The following IQGAP2 variants were observed in gnomAD, a reference collection of about 807,000 sequenced individuals.
IQGAP2 encodes the protein ras GTPase-activating-like protein IQGAP2.
Under a neutral mutation model 201.3 loss-of-function variants are expected in IQGAP2, and 173 were observed. That is an observed-to-expected ratio of 0.86 (90% CI 0.76 to 0.98). The LOEUF (loss-of-function observed/expected upper bound fraction) is 0.98, where lower values mean the gene tolerates loss of function less well. Among genes scored for constraint, IQGAP2 ranks in the 50% least tolerant of loss-of-function variants. The pLI is 0.00. For missense variants in IQGAP2, 1,687 were observed against 1,864.8 expected (o/e 0.90, Z 1.76); for synonymous variants, 675 against 673.9 (o/e 1.00, Z -0.03).
At chr5:76,423,298 A>T (rs1053077406) in intron 1 of IQGAP2, among the ~76,000 whole-genome samples, 1 of 152,126 alleles carries the variant, frequency 6.6e-6, no homozygotes, top group Non-Finnish European at 1.5e-5. Flanking sequence ...GGTACCTGCT[A>T]TTAAAATGGT....
chr5:76,632,055 C>T lies in IQGAP2; in HGVS notation c.1780+29C>T, dbSNP rs73123736. 3,152 of 1,532,742 alleles carry T rather than the reference C, an allele frequency of 2.1e-3. 71 individuals are homozygous for T. In the African/African-American group the frequency reaches 0.039, roughly 19 times the overall value. The allele number at this position is 1,532,742 out of a possible 1,614,324, so 94.9% of individuals were successfully genotyped here. A position where few individuals can be genotyped will look rare whatever the true frequency, so the allele number is the denominator to read the frequency against. ...AGTTGGTTTGTTACTTTAGCACAAA[C>T]TAAGTATTTTAAATATCATTTCTGT... On this transcript the variant is annotated intron_variant, in intron 15 of 35. Coordinates refer to ENST00000274364, the MANE Select transcript of IQGAP2 (RefSeq NM_006633.5).
intron 30 of IQGAP2, among the ~76,000 whole-genome samples, chr5:76,689,738 T>A (rs1746104442): frequency 1.3e-5 from 2 of 152,188 alleles, no homozygotes; most frequent in African/African-American, 4.8e-5. Context: ...AAGGTGATAT[T>A]TGAGGTCTGG....
intron 2 of IQGAP2, among the ~76,000 whole-genome samples, chr5:76,542,125 G>A (rs1482760157): frequency 6.6e-6 from 1 of 151,540 alleles, no homozygotes; most frequent in Admixed American, 6.6e-5. Flanking sequence ...GTGGGACTAT[G>A]GGCATGCAAC....
rs1750637447 is a variant in IQGAP2, at chr5:76,403,728, T to C, written c.46+137T>C. ...GCAGCAACTGCGCGGCTGGCAAAGTTGGGAGCTGGAGTTGCAAAGGGCAGT... is the reference window on the plus strand; with the variant it reads ...GCAGCAACTGCGCGGCTGGCAAAGTCGGGAGCTGGAGTTGCAAAGGGCAGT... On this transcript the variant is annotated intron_variant, in intron 1 of 35. Coordinates refer to ENST00000274364, the MANE Select transcript of IQGAP2 (RefSeq NM_006633.5). The surrounding 1 kb of genome is among the most constrained non-coding windows in gnomAD (Gnocchi z 4.8). 1.5e-6 allele frequency: 1 copy of C among 658,286 alleles called. No individual in the cohort carries two copies. 40.8% of individuals were successfully genotyped at this position (658,286 alleles called of 1,614,324 possible). A position where few individuals can be genotyped will look rare whatever the true frequency, so the allele number is the denominator to read the frequency against.
intron 2 of IQGAP2, among the ~76,000 whole-genome samples, chr5:76,475,984 A>G (rs554984729): frequency 1.3e-5 from 2 of 152,216 alleles, no homozygotes; most frequent in African/African-American, 4.8e-5. Flanking sequence ...GATGGGAAAG[A>G]TGGAGTGGGG....
At chr5:76,548,756 T>C (rs1488229216) in intron 2 of IQGAP2, among the ~76,000 whole-genome samples, 4 of 152,180 alleles carry the variant, frequency 2.6e-5, no homozygotes, top group African/African-American at 4.8e-5. Context: ...GCTAAGTAAA[T>C]GTGAGCTGCA....
chr5:76,409,673 C>A (rs1426156018), intron 1 of IQGAP2, among the ~76,000 whole-genome samples: 1 of 152,152 alleles, frequency 6.6e-6, no homozygotes, highest in Non-Finnish European at 1.5e-5. Context: ...TAGTGATGTG[C>A]CCCAGTGATT....
chr5:76,555,255 C>T (rs1237169015), intron 2 of IQGAP2, among the ~76,000 whole-genome samples: 1 of 152,098 alleles, frequency 6.6e-6, no homozygotes, highest in Admixed American at 6.5e-5. Context: ...TACTACAAAC[C>T]ATTGCATTAT....
intron 2 of IQGAP2, among the ~76,000 whole-genome samples, chr5:76,502,569 A>G (rs1757338364): frequency 6.6e-6 from 1 of 152,198 alleles, no homozygotes; most frequent in Non-Finnish European, 1.5e-5. Flanking sequence ...TAGGTGTCCA[A>G]CCTAAATAGT....
intron 1 of IQGAP2, among the ~76,000 whole-genome samples, chr5:76,436,091 G>C (rs905551645): frequency 6.6e-6 from 1 of 152,004 alleles, no homozygotes; most frequent in African/African-American, 2.4e-5. Context: ...TTTACTGAAC[G>C]CATTTTTCAA....
chr5:76,455,616 A>G (rs1190627185), intron 1 of IQGAP2, among the ~76,000 whole-genome samples: 2 of 152,166 alleles, frequency 1.3e-5, no homozygotes, highest in Non-Finnish European at 2.9e-5. Flanking sequence ...GCATATTTGC[A>G]GAAAAGGATA....
chr5:76,683,133 G>T lies in IQGAP2; in HGVS notation c.3679G>T (p.Asp1227Tyr), dbSNP rs1323563457. ...CATAAAGCTCCTGTTGGAACACCAG[G>T]ATGCAATTGCCCCTGAGAAAAATGA... ...STHSLLLEHQ[D>Y]AIAPEKNDLL... The change falls in exon 29 of 36, where the codon GAT becomes TAT. Residue 1227 changes from aspartate to tyrosine, a missense_variant. Transcript: ENST00000274364. 19 of 1,610,516 alleles carry T rather than the reference G, an allele frequency of 1.2e-5. No individual in the cohort carries two copies. The highest frequency in any genetic ancestry group is 3.3e-4 in the Middle Eastern group (2 of 6,078).
intron 4 of IQGAP2, among the ~76,000 whole-genome samples, chr5:76,571,748 A>G (rs949408857): frequency 6.6e-6 from 1 of 152,254 alleles, no homozygotes; most frequent in African/African-American, 2.4e-5. Flanking sequence ...AAGTTGTAAA[A>G]ATAGTACTTC....
At chr5:76,446,350 G>A (rs970689176) in intron 1 of IQGAP2, among the ~76,000 whole-genome samples, 3 of 146,640 alleles carry the variant, frequency 2.0e-5, no homozygotes, top group Non-Finnish European at 4.4e-5. Context: ...ACCACCACTC[G>A]TTGTTTTTTT....
intron 3 of IQGAP2, among the ~76,000 whole-genome samples, chr5:76,567,823 T>C (rs142896462): frequency 5.1e-4 from 77 of 151,680 alleles, no homozygotes; most frequent in African/African-American, 1.7e-3. Context: ...GACAATGTAA[T>C]TCCTCATCTA....
chr5:76,632,077 C>A, intron 15 of IQGAP2, 51 bp downstream of exon 15: 1 of 1,392,152 alleles, frequency 7.2e-7, no homozygotes, highest in Non-Finnish European at 9.8e-7. Flanking sequence ...AATATCATTT[C>A]TGTGGTATTA....
chr5:76,679,200 T>C (rs1435345742), intron 28 of IQGAP2, among the ~76,000 whole-genome samples: 1 of 152,192 alleles, frequency 6.6e-6, no homozygotes, highest in African/African-American at 2.4e-5. Context: ...GGAGTACTTG[T>C]TTAGAGTGAG....
At chr5:76,568,607 T>C (rs183434976) in intron 3 of IQGAP2, among the ~76,000 whole-genome samples, 1 of 152,170 alleles carries the variant, frequency 6.6e-6, no homozygotes, top group Non-Finnish European at 1.5e-5. Flanking sequence ...TCAAACAAGA[T>C]TAGGTTTATT....
chr5:76,691,250 G>A (rs1746238081), intron 30 of IQGAP2, among the ~76,000 whole-genome samples: 1 of 152,148 alleles, frequency 6.6e-6, no homozygotes, highest in Non-Finnish European at 1.5e-5. Context: ...AACAGGCTGT[G>A]TGAGCAGTTT....
Sources: gnomAD v4.1 joint callset for allele counts (sites outside exome capture counted in the v4.1 genomes callset) on GRCh38, gnomAD v4.1.1 for gene constraint, Gnocchi (gnomAD v3.1) non-coding constraint, MANE v1.5 for transcripts, NCBI Gene and HGNC (gene_info 2026-07-23, HGNC 2026-07-21) for gene names.